The following SORCS2 variants were observed in gnomAD, a reference collection of about 807,000 sequenced individuals.
The protein encoded by SORCS2 is sortilin related VPS10 domain containing receptor 2.
A neutral mutation model predicts 141.6 loss-of-function variants in SORCS2; 100 were observed. That is an observed-to-expected ratio of 0.71 (90% CI 0.60 to 0.83). The LOEUF (loss-of-function observed/expected upper bound fraction) is 0.83. Ranked by LOEUF, SORCS2 falls within the 40% of genes least tolerant of loss-of-function variation. The pLI, the probability that SORCS2 is intolerant of heterozygous loss-of-function variation, is 0.00. For missense variants in SORCS2, 1,646 were observed against 1,560.2 expected, an observed-to-expected ratio of 1.05 and a Z score of -0.93; for synonymous variants, 789 against 676.9, an observed-to-expected ratio of 1.17 and a Z score of -2.57.
chr4:7,706,958 C>T (rs531552679), intron 14 of SORCS2, among the ~76,000 whole-genome samples: 28 of 152,298 alleles, frequency 1.8e-4, no homozygotes, highest in African/African-American at 6.7e-4. Flanking sequence ...CTTTCCTGCT[C>T]ACCACCCGTC....
At chr4:7,494,086 T>G (rs896012819) in intron 2 of SORCS2, among the ~76,000 whole-genome samples, 1 of 152,152 alleles carries the variant, frequency 6.6e-6, no homozygotes, top group Non-Finnish European at 1.5e-5. Context: ...CGTTCACATA[T>G]GGACAGATGC....
chr4:7,241,860 G>A (rs1012173538), intron 1 of SORCS2, among the ~76,000 whole-genome samples: 1 of 152,198 alleles, frequency 6.6e-6, no homozygotes, highest in Non-Finnish European at 1.5e-5. Context: ...CTTGCTGGGC[G>A]CTGGGATGCT....
chr4:7,365,738 G>A (rs1245679835), intron 1 of SORCS2, among the ~76,000 whole-genome samples: 1 of 152,166 alleles, frequency 6.6e-6, no homozygotes, highest in East Asian at 1.9e-4. Context: ...GCAATTTATG[G>A]TCACTCTTTT....
At chr4:7,281,260 C>T (rs530588750) in intron 1 of SORCS2, among the ~76,000 whole-genome samples, 3 of 152,160 alleles carry the variant, frequency 2.0e-5, no homozygotes, top group South Asian at 2.1e-4. Context: ...GCTGTTTCAG[C>T]GAGAAATCAT....
intron 3 of SORCS2, among the ~76,000 whole-genome samples, chr4:7,575,789 C>G (rs904468532): frequency 1.3e-5 from 2 of 152,066 alleles, no homozygotes; most frequent in Non-Finnish European, 2.9e-5. Context: ...AACAGATGTT[C>G]TTGTTGTTTC....
chr4:7,427,791 A>G (rs534810851), intron 2 of SORCS2, among the ~76,000 whole-genome samples: 64 of 152,028 alleles, frequency 4.2e-4, no homozygotes, highest in African/African-American at 1.4e-3. Context: ...TCAGCAGGGG[A>G]TGGCACGGAG....
At chr4:7,635,693 A>G (rs1720197316) in intron 3 of SORCS2, among the ~76,000 whole-genome samples, 1 of 152,106 alleles carries the variant, frequency 6.6e-6, no homozygotes, top group African/African-American at 2.4e-5. Context: ...AGCCTCCCCT[A>G]ACCAGCCCTC....
At chr4:7,491,420 C>A (rs138135924) in intron 2 of SORCS2, among the ~76,000 whole-genome samples, 1 of 152,344 alleles carries the variant, frequency 6.6e-6, no homozygotes, top group Non-Finnish European at 1.5e-5. Context: ...ATGAGCATGC[C>A]CCTCTCTGCA....
chr4:7,531,269 G>A (rs987121964), intron 2 of SORCS2, among the ~76,000 whole-genome samples: 1 of 152,346 alleles, frequency 6.6e-6, no homozygotes, highest in Admixed American at 6.5e-5. Context: ...GGGATTTGGA[G>A]TCAGAAGGAC....
At chr4:7,356,340 CAGACATATGTTT>C (rs1459347405) in intron 1 of SORCS2, among the ~76,000 whole-genome samples, 1 of 152,210 alleles carries the variant, frequency 6.6e-6, no homozygotes, top group Non-Finnish European at 1.5e-5. Context: ...GCTTCAACAA[CAGACATATGTTT>C]GGGGGCTGGG....
At chr4:7,500,967 G>C (rs1052715877) in intron 2 of SORCS2, among the ~76,000 whole-genome samples, 2 of 152,208 alleles carry the variant, frequency 1.3e-5, no homozygotes, top group Admixed American at 6.5e-5. Flanking sequence ...CAGGGAGCTC[G>C]GCTCAAGCCA....
At position 7,633,714 on chromosome 4, in the gene SORCS2, GCAAA is replaced by G. The variant is rs537496063; in HGVS notation, c.649-4606_649-4603del. 5.9e-5 allele frequency among the ~76,000 whole-genome samples: 9 copies of G among 152,268 alleles called. No individual in the cohort carries two copies. The South Asian group carries it at 1.7e-3, about 28-fold the overall frequency. Reference sequence around the variant, plus strand: ...GTTGTTTTCCTCCCAGAGGTGAAAAGCAAACAAACAATTCCCTTAGGAGTCGCAG... The same window carrying G: ...GTTGTTTTCCTCCCAGAGGTGAAAAGCAAACAATTCCCTTAGGAGTCGCAG... On this transcript the variant is annotated intron_variant, in intron 3 of 26. Coordinates refer to ENST00000507866, the MANE Select transcript of SORCS2 (RefSeq NM_020777.3).
chr4:7,482,815 C>G (rs1215066295), intron 2 of SORCS2, among the ~76,000 whole-genome samples: 1 of 150,372 alleles, frequency 6.7e-6, no homozygotes, highest in Non-Finnish European at 1.5e-5. Flanking sequence ...TGTATCCCCA[C>G]TGCGGACACC....
At chr4:7,417,956 G>C (rs562559602) in intron 2 of SORCS2, among the ~76,000 whole-genome samples, 27 of 152,318 alleles carry the variant, frequency 1.8e-4, no homozygotes, top group Non-Finnish European at 3.2e-4. Flanking sequence ...CAGAAGGCTA[G>C]AGGGGCCCTG....
At chr4:7,303,848 G>C (rs1034545472) in intron 1 of SORCS2, among the ~76,000 whole-genome samples, 24 of 152,260 alleles carry the variant, frequency 1.6e-4, no homozygotes, top group Admixed American at 1.4e-3. Context: ...AGGCAGGAGA[G>C]AGCGATGTTC....
intron 3 of SORCS2, among the ~76,000 whole-genome samples, chr4:7,534,290 G>A (rs1476924226): frequency 6.6e-6 from 1 of 152,056 alleles, no homozygotes; most frequent in Non-Finnish European, 1.5e-5. Flanking sequence ...GACAGTGCCT[G>A]TGCTGGGGAG....
chr4:7,304,942 G>C (rs888472311), intron 1 of SORCS2, among the ~76,000 whole-genome samples: 1 of 152,206 alleles, frequency 6.6e-6, no homozygotes, highest in Non-Finnish European at 1.5e-5. Context: ...AGGCATCCCG[G>C]TTCCTGCTCG....
intron 1 of SORCS2, among the ~76,000 whole-genome samples, chr4:7,375,220 C>T (rs191823494): frequency 1.5e-4 from 23 of 152,350 alleles, no homozygotes; most frequent in African/African-American, 5.0e-4. Context: ...CTGACAGAAC[C>T]TCTGTGTCCT....
At chr4:7,281,232 T>C (rs958473584) in intron 1 of SORCS2, among the ~76,000 whole-genome samples, 1 of 152,058 alleles carries the variant, frequency 6.6e-6, no homozygotes, top group African/African-American at 2.4e-5. Context: ...GCCACAGCCG[T>C]GTTCTTGAGA....
Sources: allele counts gnomAD v4.1 joint callset (sites outside exome capture counted in the v4.1 genomes callset), GRCh38; gene constraint gnomAD v4.1.1; transcripts MANE v1.5; gene names NCBI Gene and HGNC (gene_info 2026-07-23, HGNC 2026-07-21).